Variants in ELOVL6 observed in about 807,000 individuals in gnomAD.
ELOVL6 encodes the protein very long chain fatty acid elongase 6.
ELOVL6 carries 8 observed loss-of-function variants against 31.7 expected under a neutral mutation model. The ratio of observed to expected loss-of-function variants is 0.25; its 90% confidence interval spans 0.15 to 0.45. The LOEUF (loss-of-function observed/expected upper bound fraction) is 0.45, where lower values mean the gene tolerates loss of function less well. ELOVL6 is among the 20% of genes least tolerant of loss of function. The pLI, the probability that ELOVL6 is intolerant of heterozygous loss-of-function variation, is 1.00. For synonymous variants in ELOVL6, 101 were observed against 117.7 expected (o/e 0.86, Z 0.92); for missense variants, 126 against 326.4 (o/e 0.39, Z 4.73).
At chr4:110,086,810 T>A (rs1047611166) in intron 2 of ELOVL6, among the ~76,000 whole-genome samples, 3 of 152,150 alleles carry the variant, frequency 2.0e-5, no homozygotes, top group South Asian at 2.1e-4. Flanking sequence ...AGATATAGAT[T>A]TATAGGTTCT....
chr4:110,151,037 C>T (rs1042212482), intron 1 of ELOVL6, among the ~76,000 whole-genome samples: 10 of 148,618 alleles, frequency 6.7e-5, no homozygotes, highest in Non-Finnish European at 1.0e-4. Context: ...AGGAAGACTC[C>T]GTCTGAAAAA....
At chr4:110,113,365 T>G (rs977796473) in intron 1 of ELOVL6, among the ~76,000 whole-genome samples, 16 of 151,894 alleles carry the variant, frequency 1.1e-4, no homozygotes, top group African/African-American at 3.6e-4. Flanking sequence ...ATATTACTTG[T>G]CCCAGGAGTT....
At chr4:110,167,027 T>C (rs1037325998) in intron 1 of ELOVL6, among the ~76,000 whole-genome samples, 1 of 152,176 alleles carries the variant, frequency 6.6e-6, no homozygotes, top group Non-Finnish European at 1.5e-5. Context: ...TGCCTTCTAT[T>C]TCTTTGTCTT....
intron 1 of ELOVL6, among the ~76,000 whole-genome samples, chr4:110,189,151 G>A (rs189139493): frequency 9.3e-5 from 14 of 149,998 alleles, no homozygotes; most frequent in East Asian, 2.0e-4. Context: ...AAGGTGGTGC[G>A]TGCCTGTAAT....
chr4:110,144,874 T>G (rs989431403), intron 1 of ELOVL6, among the ~76,000 whole-genome samples: 1 of 152,070 alleles, frequency 6.6e-6, no homozygotes. Context: ...AAGATGGAAT[T>G]TTAGCTGTCA....
chr4:110,104,365 TCAAA>T lies in ELOVL6; in HGVS notation c.221+1128_221+1131del, dbSNP rs1756829146. Among the ~76,000 whole-genome samples, 10 of 152,304 alleles carry T rather than the reference TCAAA, an allele frequency of 6.6e-5. No homozygotes were observed. The South Asian group carries it at 2.1e-3, about 32-fold the overall frequency. ...GTGACAGATCCAAATCATGAGTACT[TCAAA>T]CCTAGGGCTTTAGAAATTGCACTGA... On this transcript the variant is annotated intron_variant, in intron 2 of 3. Coordinates refer to ENST00000302274, the MANE Select transcript of ELOVL6 (RefSeq NM_024090.3).
At chr4:110,092,608 C>G (rs1161689497) in intron 2 of ELOVL6, among the ~76,000 whole-genome samples, 2 of 152,176 alleles carry the variant, frequency 1.3e-5, no homozygotes, top group African/African-American at 4.8e-5. Context: ...GAAGAAAAGT[C>G]TAGTATTTTT....
chr4:110,174,521 T>TA (rs1560857400), intron 1 of ELOVL6, among the ~76,000 whole-genome samples: 2 of 152,174 alleles, frequency 1.3e-5, no homozygotes, highest in African/African-American at 4.8e-5. Flanking sequence ...CTTTTGAACA[T>TA]ACATTTTTTA....
In ELOVL6 at chr4:110,084,448, G is replaced by GCATATATCA. The variant is rs1756147368; in HGVS notation, c.221+21040_221+21048dup. ...TCACATATATCATATATGATATATCGCATATATCATATATGATATATAACA... is the reference window on the plus strand; with the variant it reads ...TCACATATATCATATATGATATATCGCATATATCACATATATCATATATGATATATAACA... On this transcript the variant is annotated intron_variant, in intron 2 of 3. Coordinates refer to ENST00000302274, the MANE Select transcript of ELOVL6 (RefSeq NM_024090.3). Among the ~76,000 whole-genome samples, 92 of 32,086 alleles carry GCATATATCA rather than the reference G, an allele frequency of 2.9e-3. 8 individuals are homozygous for GCATATATCA. Among genetic ancestry groups the GCATATATCA allele is most frequent in the African/African-American group, 0.021 (87 of 4,144 alleles). 21.0% of individuals were successfully genotyped at this position (32,086 alleles called of 152,430 possible). A position where few individuals can be genotyped will look rare whatever the true frequency, so the allele number is the denominator to read the frequency against.
intron 2 of ELOVL6, among the ~76,000 whole-genome samples, chr4:110,065,311 T>C (rs1755268139): frequency 6.6e-6 from 1 of 152,196 alleles, no homozygotes. Flanking sequence ...ATAAGAGATA[T>C]AGCTAATCTT....
chr4:110,105,637 A>G lies in ELOVL6; in HGVS notation c.90-9T>C. On this transcript the variant is annotated splice_polypyrimidine_tract_variant and intron_variant, in intron 1 of 3. Transcript: ENST00000302274. ...ACAGGAAAGATTTCTTCCTGCAAAC[A>G]AGCAAACAAAATCTTTAAGATATTT... The G allele has an allele frequency of 6.2e-7, 1 of 1,607,136 alleles. No individual in the cohort carries two copies. The highest frequency in any genetic ancestry group is 8.5e-7 in the Non-Finnish European group (1 of 1,176,884).
chr4:110,138,593 A>G (rs1473090088), intron 1 of ELOVL6, among the ~76,000 whole-genome samples: 2 of 152,204 alleles, frequency 1.3e-5, no homozygotes, highest in Non-Finnish European at 2.9e-5. Context: ...ATCACAAAAA[A>G]TGAGAAATAG....
intron 1 of ELOVL6, among the ~76,000 whole-genome samples, chr4:110,155,607 A>T (rs915079554): frequency 1.3e-5 from 2 of 152,192 alleles, no homozygotes; most frequent in African/African-American, 4.8e-5. Flanking sequence ...CTTTCCAGAC[A>T]GTAAGAGTCC....
chr4:110,145,393 C>G (rs901579614), intron 1 of ELOVL6, among the ~76,000 whole-genome samples: 2 of 152,148 alleles, frequency 1.3e-5, no homozygotes, highest in Non-Finnish European at 2.9e-5. Context: ...CCCCCTACTC[C>G]GGAAATTACC....
Position 110,051,820 on chromosome 4 carries a change from TAC to T in ELOVL6, c.374-60_374-59del. The T allele has an allele frequency of 6.9e-7, 1 of 1,448,896 alleles. No homozygotes were observed. The highest frequency in any genetic ancestry group is 1.9e-5 in the Admixed American group (1 of 52,154). 89.8% of individuals were successfully genotyped at this position (1,448,896 alleles called of 1,614,324 possible). ...TCCTTGACCACCAGTAACGATGACT[TAC>T]AGTTTTGTAAGAGGGTAGACATCCT... On this transcript the variant is annotated intron_variant, in intron 3 of 3. Transcript: ENST00000302274. This position sits in a 1 kb window ranked among gnomAD's most constrained non-coding sequence, Gnocchi z 4.8.
Position 110,164,982 on chromosome 4 carries a change from G to T in ELOVL6, c.89+33265C>A, listed in dbSNP as rs10008890. ...ACCTCTCGAGGAGCTGGGACTACACGTGCACCCCACCACACCCAACTAAGA... is the reference window on the plus strand; with the variant it reads ...ACCTCTCGAGGAGCTGGGACTACACTTGCACCCCACCACACCCAACTAAGA... On this transcript the variant is annotated intron_variant, in intron 1 of 3. Coordinates refer to ENST00000302274, the MANE Select transcript of ELOVL6 (RefSeq NM_024090.3). Among the ~76,000 whole-genome samples the T allele has an allele frequency of 2.0e-5, 3 of 151,922 alleles. No individual in the cohort carries two copies. The East Asian group carries it at 5.9e-4, about 30-fold the overall frequency.
At chr4:110,146,384 A>AGGT (rs1283433550) in intron 1 of ELOVL6, 1 of 152,344 alleles carries the variant, frequency 6.6e-6, no homozygotes, top group African/African-American at 2.4e-5. Flanking sequence ...ATGCAGCCTG[A>AGGT]GGTGATCTGG....
chr4:110,101,248 C>G (rs1221917803), intron 2 of ELOVL6, among the ~76,000 whole-genome samples: 4 of 152,258 alleles, frequency 2.6e-5, no homozygotes, highest in Non-Finnish European at 5.9e-5. Context: ...CCACGTTGGC[C>G]AGGCTAGTCT....
intron 1 of ELOVL6, among the ~76,000 whole-genome samples, chr4:110,122,391 T>A (rs1237238431): frequency 6.6e-6 from 1 of 152,206 alleles, no homozygotes; most frequent in Non-Finnish European, 1.5e-5. Flanking sequence ...CTTTTCTTTT[T>A]TTGTGGTTTC....
Sources: gnomAD v4.1 joint callset for allele counts (sites outside exome capture counted in the v4.1 genomes callset) on GRCh38, gnomAD v4.1.1 for gene constraint, Gnocchi (gnomAD v3.1) non-coding constraint, MANE v1.5 for transcripts, NCBI Gene and HGNC (gene_info 2026-07-23, HGNC 2026-07-21) for gene names.